Variants in KIAA1549 observed in about 807,000 individuals in gnomAD.
KIAA1549 encodes KIAA1549.
Under a neutral mutation model 156.4 loss-of-function variants are expected in KIAA1549, and 70 were observed. The ratio of observed to expected loss-of-function variants is 0.45; its 90% CI spans 0.37 to 0.55. The LOEUF (loss-of-function observed/expected upper bound fraction) is 0.55, where lower values mean the gene tolerates loss of function less well. Ranked by LOEUF, KIAA1549 falls within the 20% of genes least tolerant of loss-of-function variation. The probability of loss-of-function intolerance (pLI) is 0.00; values close to 1 mark genes in which losing one functional copy is unlikely to be tolerated. For missense variants in KIAA1549, 2,428 were observed against 2,540.9 expected, an observed-to-expected ratio of 0.96 and a Z score of 0.96; for synonymous variants, 1,103 against 1,066.4, an observed-to-expected ratio of 1.03 and a Z score of -0.67.
At position 138,918,693 on chromosome 7, in the gene KIAA1549, T is replaced by G. The variant is rs1812432689; in HGVS notation, c.933A>C (p.Pro311=). Reference sequence around the variant, plus strand: ...CTGCACTTGTGGCCCAAACCTCCTCTGGAGGCTGTGAGACCTCCCCCAAGG... The same window carrying G: ...CTGCACTTGTGGCCCAAACCTCCTCGGGAGGCTGTGAGACCTCCCCCAAGG... ...LPSLGEVSQP[P]EEVWATSADR... is the part of the protein sequence containing the mutation. The change falls in exon 2 of 20, where the codon CCA becomes CCC. Residue 311 remains proline, a synonymous_variant. Coordinates refer to ENST00000422774, the MANE Select transcript of KIAA1549 (RefSeq NM_001164665.2). This position sits in a 1 kb window ranked among gnomAD's most constrained non-coding sequence, Gnocchi z 4.2. The G allele has an allele frequency of 6.2e-7, 1 of 1,613,726 alleles. No homozygotes were observed. Among genetic ancestry groups the G allele is most frequent in the African/African-American group, 1.3e-5 (1 of 74,922 alleles).
intron 1 of KIAA1549, among the ~76,000 whole-genome samples, chr7:138,938,115 G>C (rs1028741740): frequency 1.3e-5 from 2 of 152,134 alleles, no homozygotes. Flanking sequence ...AACAGGATTA[G>C]TGTCCCTCTA....
chr7:138,875,730 A>C (rs1381026928), intron 12 of KIAA1549, among the ~76,000 whole-genome samples: 2 of 152,246 alleles, frequency 1.3e-5, no homozygotes, highest in East Asian at 1.9e-4. Context: ...AATTACTAAA[A>C]TGACAAAGCA....
intron 11 of KIAA1549, among the ~76,000 whole-genome samples, chr7:138,880,298 T>A (rs1014496076): frequency 1.3e-5 from 2 of 152,076 alleles, no homozygotes; most frequent in African/African-American, 4.8e-5. Context: ...CATGACTAAA[T>A]GTCAATGACA....
chr7:138,921,948 G>C (rs1172038713), intron 1 of KIAA1549, among the ~76,000 whole-genome samples: 1 of 152,194 alleles, frequency 6.6e-6, no homozygotes, highest in Middle Eastern at 3.2e-3. Context: ...TGAAGGCAGA[G>C]AGCATGATGA....
In KIAA1549 at chr7:138,833,085, T is replaced by C. The variant is rs1329792588; in HGVS notation, c.*4821A>G. 4.3e-5 allele frequency: 10 copies of C among 232,154 alleles called. No homozygotes were observed. The highest frequency in any genetic ancestry group is 2.0e-4 in the African/African-American group (9 of 45,284). 14.4% of individuals were successfully genotyped at this position (232,154 alleles called of 1,614,324 possible). A position where few individuals can be genotyped will look rare whatever the true frequency, so the allele number is the denominator to read the frequency against. On this transcript the variant is annotated 3_prime_UTR_variant, in exon 20 of 20. Transcript: ENST00000422774. The stretch of plus-strand genomic sequence containing the variant: ...AGAAGTGGACTTCCTCCTGCTCCTG[T>C]CCAGGGCAAATGTGGATAAGCAGGC...
At chr7:138,852,097 G>C (rs558177802) in intron 17 of KIAA1549, 126 bp downstream of exon 17, 5 of 608,236 alleles carry the variant, frequency 8.2e-6, no homozygotes, top group African/African-American at 7.6e-5. Context: ...CTTCTGGTTA[G>C]ATCAAGAGAA....
chr7:138,867,932 C>G (rs984657565), intron 15 of KIAA1549, 43 bp downstream of exon 15: 1 of 1,601,854 alleles, frequency 6.2e-7, no homozygotes, highest in Non-Finnish European at 8.5e-7. Flanking sequence ...TTTCTAGGAG[C>G]CGCCCCACCC....
chr7:138,907,044 A>G lies in KIAA1549; in HGVS notation c.3335T>C (p.Ile1112Thr). Residue 1112 changes from isoleucine (I) to threonine (T), a missense_variant, in exon 6 of 20, where the codon ATC becomes ACC. Ile to Thr is a moderately conservative substitution (Grantham distance 89). Coordinates refer to ENST00000422774, the MANE Select transcript of KIAA1549 (RefSeq NM_001164665.2). ...CTGTGTGCTTTTAACCGCAAAGATG[A>G]TATTCACCGGGCCCCGCCGAGGAGT... ...RVTPRRGPVN[I>T]IFAVKSTQGF... 6.2e-7 allele frequency: 1 copy of G among 1,613,456 alleles called. No homozygotes were observed. The highest frequency in any genetic ancestry group is 8.5e-7 in the Non-Finnish European group (1 of 1,179,700).
Position 138,911,859 on chromosome 7 carries a change from C to T in KIAA1549, c.2967+513G>A, listed in dbSNP as rs901995875. ...ACAGCCCATCTCCGTTTGGACGAGC[C>T]CCATTTCACTGCTGTATCGCCATGC... On this transcript the variant is annotated intron_variant, in intron 3 of 19. Coordinates refer to ENST00000422774, the MANE Select transcript of KIAA1549 (RefSeq NM_001164665.2). 2.0e-5 allele frequency among the ~76,000 whole-genome samples: 3 copies of T among 152,200 alleles called. No individual in the cohort carries two copies. In the South Asian group the frequency reaches 6.2e-4, roughly 31 times the overall value.
intron 1 of KIAA1549, among the ~76,000 whole-genome samples, chr7:138,951,384 T>C (rs1291831835): frequency 1.3e-5 from 2 of 152,142 alleles, no homozygotes; most frequent in Admixed American, 1.3e-4. Context: ...TAGCACAGTT[T>C]CTCCTTGACT....
At chr7:138,884,603 T>C (rs1288382585) in intron 10 of KIAA1549, among the ~76,000 whole-genome samples, 2 of 152,248 alleles carry the variant, frequency 1.3e-5, no homozygotes, top group African/African-American at 4.8e-5. Context: ...CAATAAAATC[T>C]GGTTAAATTG....
intron 1 of KIAA1549, among the ~76,000 whole-genome samples, chr7:138,941,549 C>T (rs1291745476): frequency 2.6e-5 from 4 of 152,186 alleles, no homozygotes; most frequent in Admixed American, 2.6e-4. Flanking sequence ...TAATCTGAAT[C>T]CTTTTCTCCC....
intron 1 of KIAA1549, among the ~76,000 whole-genome samples, chr7:138,952,732 T>C (rs1813537516): frequency 6.6e-6 from 1 of 152,202 alleles, no homozygotes; most frequent in African/African-American, 2.4e-5. Context: ...TGATTACTTG[T>C]TACTTTGTGA....
intron 1 of KIAA1549, among the ~76,000 whole-genome samples, chr7:138,953,835 C>T (rs1813568123): frequency 6.6e-6 from 1 of 152,266 alleles, no homozygotes; most frequent in East Asian, 1.9e-4. Flanking sequence ...TGTGATTCAT[C>T]CATTCTAAGA....
In KIAA1549 at chr7:138,919,146, A is replaced by C. The variant is rs1387623063; in HGVS notation, c.480T>G (p.Phe160Leu). ...VAVNDDEMDN[F>L]LPDTHWTTPR... ...GAGTGGTCCAGTGAGTATCTGGCAG[A>C]AAGTTATCCATCTCATCGTCATTGA... Residue 160 changes from phenylalanine (F) to leucine (L), a missense_variant, in exon 2 of 20, where the codon TTT (phenylalanine) becomes TTG (leucine). Physicochemically the swap from Phe to Leu is conservative, Grantham distance 22 (BLOSUM62 0). This residue lies in a region of KIAA1549 where 893 missense variants were observed against 847.9 expected (regional missense o/e 1.05). Transcript: ENST00000422774. The C allele has an allele frequency of 9.3e-6, 15 of 1,614,038 alleles. No homozygotes were observed. Among genetic ancestry groups the C allele is most frequent in the Non-Finnish European group, 1.2e-5 (14 of 1,179,904 alleles).
intron 1 of KIAA1549, among the ~76,000 whole-genome samples, chr7:138,920,394 AGGC>A (rs956647724): frequency 6.6e-6 from 1 of 152,212 alleles, no homozygotes; most frequent in African/African-American, 2.4e-5. Context: ...TCCTAAGGAC[AGGC>A]ATTGTTTACC....
At chr7:138,959,758 A>G (rs1813782452) in intron 1 of KIAA1549, among the ~76,000 whole-genome samples, 1 of 152,374 alleles carries the variant, frequency 6.6e-6, no homozygotes, top group Admixed American at 6.5e-5. Flanking sequence ...TACATTCCTA[A>G]GAGCTGAACT....
intron 2 of KIAA1549, among the ~76,000 whole-genome samples, chr7:138,915,092 T>C (rs1191391616): frequency 6.6e-6 from 1 of 152,194 alleles, no homozygotes; most frequent in Non-Finnish European, 1.5e-5. Flanking sequence ...CCAAGCATAA[T>C]TACCTGCTCC....
intron 16 of KIAA1549, among the ~76,000 whole-genome samples, chr7:138,856,042 T>A (rs1023436808): frequency 6.6e-6 from 1 of 151,334 alleles, no homozygotes; most frequent in Non-Finnish European, 1.5e-5. Flanking sequence ...TTTTATTTTT[T>A]TTTTTTTGAG....
Sources: allele counts gnomAD v4.1 joint callset (sites outside exome capture counted in the v4.1 genomes callset), GRCh38; gene constraint gnomAD v4.1.1; regional missense constraint gnomAD v4.1.1; non-coding constraint Gnocchi (gnomAD v3.1); transcripts MANE v1.5; gene names NCBI Gene and HGNC (gene_info 2026-07-23, HGNC 2026-07-21).